ZNF644: variants seen among roughly 807,000 people sequenced by gnomAD.
ZNF644 encodes the protein zinc finger protein 644, also known as zinc finger motif enhancer binding protein 2.
Under a neutral mutation model 108.0 loss-of-function variants are expected in ZNF644, and 20 were observed. The ratio of observed to expected loss-of-function variants is 0.19; its 90% CI spans 0.13 to 0.27. The LOEUF (loss-of-function observed/expected upper bound fraction) is 0.27. ZNF644 is among the 10% of genes least tolerant of loss of function. The pLI, the probability that ZNF644 is intolerant of heterozygous loss-of-function variation, is 1.00. For missense variants in ZNF644, 1,338 were observed against 1,548.9 expected (o/e 0.86, Z 2.29); for synonymous variants, 542 against 539.1 (o/e 1.01, Z -0.08).
At position 90,924,600 on chromosome 1, in the gene ZNF644, T is replaced by C. The variant is rs144908956; in HGVS notation, c.3689-6446A>G. On this transcript the variant is annotated intron_variant, in intron 4 of 5. Coordinates refer to ENST00000337393, the MANE Select transcript of ZNF644 (RefSeq NM_201269.3). ...ACAATCATATTTACCTTAAATTAGA[T>C]AGGACTCACAACAATATATTAGTAA... Among the ~76,000 whole-genome samples the C allele has an allele frequency of 1.6e-3, 251 of 152,254 alleles. 1 individual carries two copies. The highest frequency in any genetic ancestry group is 7.3e-3 in the East Asian group (38 of 5,180).
chr1:90,915,388 G>A lies in ZNF644; in HGVS notation c.*1410C>T, dbSNP rs1259556532. 6.6e-6 allele frequency: 1 copy of A among 152,528 alleles called. No homozygotes were observed. The highest frequency in any genetic ancestry group is 1.5e-5 in the Non-Finnish European group (1 of 67,996). 9.4% of individuals were successfully genotyped at this position (152,528 alleles called of 1,614,324 possible). A position where few individuals can be genotyped will look rare whatever the true frequency, so the allele number is the denominator to read the frequency against. On this transcript the variant is annotated 3_prime_UTR_variant, in exon 6 of 6. Transcript: ENST00000337393. ...AGCAATTTCACTGGCAGTGAGGTAT[G>A]TATATACTCTACCAAAATACTCCTT...
Position 90,938,279 on chromosome 1 carries a change from A to G in ZNF644, c.3075T>C (p.Val1025=). ...RTGTGTPVKR[V]RKAIEKSETT... is the part of the protein sequence containing the mutation. Reference sequence around the variant, plus strand: ...TCCCCATGGAGAACTTACCTTTTCTAACTCGTTTAACAGGTGTTCCTGTGC... The same window carrying G: ...TCCCCATGGAGAACTTACCTTTTCTGACTCGTTTAACAGGTGTTCCTGTGC... Residue 1025 remains valine, a synonymous_variant, in exon 3 of 6, where the codon GTT becomes GTC. Coordinates refer to ENST00000337393, the MANE Select transcript of ZNF644 (RefSeq NM_201269.3). This position sits in a 1 kb window ranked among gnomAD's most constrained non-coding sequence, Gnocchi z 4.2. 1 of 1,613,992 alleles carries G rather than the reference A, an allele frequency of 6.2e-7. No individual in the cohort carries two copies. The highest frequency in any genetic ancestry group is 2.2e-5 in the East Asian group (1 of 44,884).
At chr1:90,918,344 C>T in intron 4 of ZNF644, 190 bp from the exon 5 acceptor site, 5 of 613,914 alleles carry the variant, frequency 8.1e-6, no homozygotes, top group Non-Finnish European at 1.5e-5. Context: ...CTGTACTGTA[C>T]AGCGGTATTA....
intron 2 of ZNF644, among the ~76,000 whole-genome samples, chr1:90,978,996 A>G (rs1459591236): frequency 6.6e-6 from 1 of 152,184 alleles, no homozygotes; most frequent in East Asian, 1.9e-4. Flanking sequence ...CAACAAATTG[A>G]TCCCTGTGGG....
Position 90,954,228 on chromosome 1 carries a change from C to G in ZNF644, c.45-12919G>C, listed in dbSNP as rs1020909133. Among the ~76,000 whole-genome samples the G allele has an allele frequency of 4.6e-5, 7 of 152,172 alleles. No homozygotes were observed. The East Asian group carries it at 1.2e-3, about 25-fold the overall frequency. On this transcript the variant is annotated intron_variant, in intron 2 of 5. Coordinates refer to ENST00000337393, the MANE Select transcript of ZNF644 (RefSeq NM_201269.3). ...ATATTGGAGTCAATCTTCTCAAACCCTGCTACTGCTTTACTGACGTAATAT... is the reference window on the plus strand; with the variant it reads ...ATATTGGAGTCAATCTTCTCAAACCGTGCTACTGCTTTACTGACGTAATAT...
chr1:91,005,813 T>TA (rs1279072221), intron 1 of ZNF644, among the ~76,000 whole-genome samples: 2 of 151,524 alleles, frequency 1.3e-5, no homozygotes, highest in African/African-American at 2.4e-5. Context: ...ATGACTACAT[T>TA]AAAAAAAATC....
At chr1:90,956,982 C>A (rs1653814526) in intron 2 of ZNF644, among the ~76,000 whole-genome samples, 3 of 151,970 alleles carry the variant, frequency 2.0e-5, no homozygotes, top group Admixed American at 6.6e-5. Flanking sequence ...CTGGTACCAA[C>A]CTTAAAAATT....
chr1:90,918,892 G>T (rs1570322091), intron 4 of ZNF644, among the ~76,000 whole-genome samples: 2 of 151,700 alleles, frequency 1.3e-5, no homozygotes, highest in Admixed American at 1.3e-4. Context: ...TTTACAATTG[G>T]ATCTGATGTT....
intron 1 of ZNF644, among the ~76,000 whole-genome samples, chr1:90,999,252 A>G (rs1442848995): frequency 6.6e-6 from 1 of 152,210 alleles, no homozygotes; most frequent in Non-Finnish European, 1.5e-5. Context: ...CAGATTCACC[A>G]AAGTTGAAAT....
intron 5 of ZNF644, 137 bp from the exon 6 acceptor site, chr1:90,917,127 G>T (rs879413032): frequency 1.1e-6 from 1 of 901,288 alleles, no homozygotes; most frequent in Non-Finnish European, 1.7e-6. Flanking sequence ...AAAGTCAAAT[G>T]ATTTAATAAA....
Position 90,940,644 on chromosome 1 carries a change from C to T in ZNF644, c.710G>A (p.Cys237Tyr). ...GGAAATTCCCGTTACTGTATTGACA[C>T]AATCATCTTTCACCAATAAATCTTC... ...DGEDLLVKDD[C>Y]VNTVTGISSG... Residue 237 changes from cysteine to tyrosine, a missense_variant, in exon 3 of 6, where the codon TGT becomes TAT. Cys to Tyr is a radical substitution (Grantham distance 194, BLOSUM62 -2). This residue lies in a region of ZNF644 where 464 missense variants were observed against 457.9 expected (regional missense o/e 1.01). Transcript: ENST00000337393. The T allele has an allele frequency of 6.2e-7, 1 of 1,613,994 alleles. No homozygotes were observed. Among genetic ancestry groups the T allele is most frequent in the Non-Finnish European group, 8.5e-7 (1 of 1,179,956 alleles).
chr1:90,942,260 T>C (rs1374695722), intron 2 of ZNF644, among the ~76,000 whole-genome samples: 6 of 152,210 alleles, frequency 3.9e-5, no homozygotes, highest in Non-Finnish European at 7.4e-5. Context: ...AAAACTTTTC[T>C]AGGCATTTTT....
chr1:90,951,530 G>A (rs934996094), intron 2 of ZNF644, among the ~76,000 whole-genome samples: 1 of 152,038 alleles, frequency 6.6e-6, no homozygotes, highest in Non-Finnish European at 1.5e-5. Context: ...ATAGTCTCAT[G>A]GCAAACTATT....
intron 1 of ZNF644, among the ~76,000 whole-genome samples, chr1:90,984,434 T>G (rs1656880620): frequency 6.6e-6 from 1 of 151,300 alleles, no homozygotes; most frequent in African/African-American, 2.4e-5. Flanking sequence ...ATGACTGGTG[T>G]CTTTTTTTTT....
At chr1:90,946,722 AT>A (rs1032528123) in intron 2 of ZNF644, among the ~76,000 whole-genome samples, 32 of 151,690 alleles carry the variant, frequency 2.1e-4, no homozygotes, top group African/African-American at 7.0e-4. Context: ...ACAGCCAGAG[AT>A]TTTTTTTTCC....
At chr1:91,000,491 GA>G (rs1658654429) in intron 1 of ZNF644, among the ~76,000 whole-genome samples, 1 of 152,068 alleles carries the variant, frequency 6.6e-6, no homozygotes, top group Non-Finnish European at 1.5e-5. Context: ...TGAAACCAAC[GA>G]GAATAAAGAC....
intron 2 of ZNF644, among the ~76,000 whole-genome samples, chr1:90,976,182 T>C (rs985798785): frequency 1.4e-4 from 21 of 152,118 alleles, no homozygotes; most frequent in African/African-American, 5.1e-4. Flanking sequence ...TTTCCCAAGG[T>C]CAAAATTCTA....
At chr1:90,979,005 G>A (rs1656279454) in intron 2 of ZNF644, among the ~76,000 whole-genome samples, 1 of 152,104 alleles carries the variant, frequency 6.6e-6, no homozygotes, top group African/African-American at 2.4e-5. Flanking sequence ...GATCCCTGTG[G>A]GGAAGAACCT....
intron 1 of ZNF644, among the ~76,000 whole-genome samples, chr1:91,000,196 C>T (rs1173333815): frequency 6.6e-6 from 1 of 152,208 alleles, no homozygotes; most frequent in African/African-American, 2.4e-5. Flanking sequence ...ACCTAACAGA[C>T]ATCTACAGAA....
Sources: gnomAD v4.1 joint callset for allele counts (sites outside exome capture counted in the v4.1 genomes callset) on GRCh38, gnomAD v4.1.1 for gene constraint, gnomAD v4.1.1 regional missense constraint, Gnocchi (gnomAD v3.1) non-coding constraint, MANE v1.5 for transcripts, NCBI Gene and HGNC (gene_info 2026-07-23, HGNC 2026-07-21) for gene names.